The following DNM3 variants were observed in gnomAD, a reference collection of about 807,000 sequenced individuals.
The protein encoded by DNM3 is dynamin 3, also known as dynamin-3.
DNM3 carries 47 observed loss-of-function variants against 101.6 expected under a neutral mutation model. The observed-to-expected ratio is 0.46, with a 90% CI of 0.37 to 0.59. DNM3 has a LOEUF of 0.59. DNM3 is among the 20% of genes least tolerant of loss of function. The pLI is 0.00. For synonymous variants in DNM3, 385 were observed against 387.9 expected, an observed-to-expected ratio of 0.99 and a Z score of 0.09; for missense variants, 849 against 1,085.7, an observed-to-expected ratio of 0.78 and a Z score of 3.06.
chr1:172,224,242 T>G (rs1211597178), intron 14 of DNM3, among the ~76,000 whole-genome samples: 2 of 152,232 alleles, frequency 1.3e-5, no homozygotes, highest in African/African-American at 4.8e-5. Flanking sequence ...CACCTTGCAC[T>G]GCCCCTTTCA....
chr1:172,330,347 A>T (rs1184421654), intron 17 of DNM3, among the ~76,000 whole-genome samples: 1 of 152,094 alleles, frequency 6.6e-6, no homozygotes, highest in Admixed American at 6.6e-5. Flanking sequence ...AGAAATTTTC[A>T]TGATAAATTA....
At chr1:172,314,711 T>A (rs6684830) in intron 16 of DNM3, among the ~76,000 whole-genome samples, 1 of 152,082 alleles carries the variant, frequency 6.6e-6, no homozygotes, top group Non-Finnish European at 1.5e-5. Flanking sequence ...TGCCCAGGCT[T>A]GCTTAGGTAA....
intron 10 of DNM3, among the ~76,000 whole-genome samples, chr1:172,050,843 G>A (rs2050156601): frequency 6.6e-6 from 1 of 152,016 alleles, no homozygotes; most frequent in African/African-American, 2.4e-5. Flanking sequence ...GGACATTTAT[G>A]TTTTAAGTTA....
At chr1:172,401,053 A>G (rs1050525656) in intron 20 of DNM3, among the ~76,000 whole-genome samples, 9 of 151,998 alleles carry the variant, frequency 5.9e-5, no homozygotes, top group African/African-American at 2.2e-4. Context: ...CAGGGCAGTG[A>G]CTCTTTATTT....
At chr1:172,237,674 CA>C (rs1330724655) in intron 14 of DNM3, among the ~76,000 whole-genome samples, 3 of 152,136 alleles carry the variant, frequency 2.0e-5, no homozygotes, top group Non-Finnish European at 2.9e-5. Flanking sequence ...TAAGTATTTA[CA>C]AACAGAAAAT....
intron 17 of DNM3, among the ~76,000 whole-genome samples, chr1:172,343,981 T>C (rs192866598): frequency 3.5e-4 from 54 of 152,312 alleles, no homozygotes; most frequent in Non-Finnish European, 5.3e-4. Flanking sequence ...TAAACTTTCC[T>C]TCAGCTGGTC....
chr1:171,850,300 A>G (rs1355990784), intron 1 of DNM3, among the ~76,000 whole-genome samples: 1 of 152,184 alleles, frequency 6.6e-6, no homozygotes, highest in Non-Finnish European at 1.5e-5. Flanking sequence ...CTTGTTAACC[A>G]TCAGTTTTAG....
intron 8 of DNM3, among the ~76,000 whole-genome samples, chr1:172,042,410 G>A (rs571084607): frequency 6.6e-6 from 1 of 152,270 alleles, no homozygotes; most frequent in South Asian, 2.1e-4. Context: ...TATTTCTTAA[G>A]CATGTACTAT....
In DNM3 at chr1:172,152,591, G is replaced by A. The variant is rs1257793875; in HGVS notation, c.1659+21303G>A. 2.0e-5 allele frequency among the ~76,000 whole-genome samples: 3 copies of A among 152,048 alleles called. No homozygotes were observed. In the South Asian group the frequency reaches 6.2e-4, roughly 32 times the overall value. ...AATTTGATTTTGTTTTAGATTGCATGTTGTAGATTCAGACAAATTTAGATG... is the reference window on the plus strand; with the variant it reads ...AATTTGATTTTGTTTTAGATTGCATATTGTAGATTCAGACAAATTTAGATG... On this transcript the variant is annotated intron_variant, in intron 14 of 20. Transcript: ENST00000627582.
intron 14 of DNM3, among the ~76,000 whole-genome samples, chr1:172,245,124 G>A (rs565393483): frequency 6.6e-6 from 1 of 152,286 alleles, no homozygotes; most frequent in Admixed American, 6.5e-5. Flanking sequence ...TGTCTATGAT[G>A]CAACCAAAAC....
In DNM3 at chr1:172,051,596, CTT is replaced by C. The variant is rs540910056; in HGVS notation, c.1335+2848_1335+2849del. ...GAATGCTGATCACCCCCTTCATCCT[CTT>C]TAGATTTTAAGCCAATTGGGAAATT... On this transcript the variant is annotated intron_variant, in intron 10 of 20. Coordinates refer to ENST00000627582, the MANE Select transcript of DNM3 (RefSeq NM_015569.5). Among the ~76,000 whole-genome samples, 423 of 152,310 alleles carry C rather than the reference CTT, an allele frequency of 2.8e-3. 3 individuals carry two copies. The highest frequency in any genetic ancestry group is 9.6e-3 in the African/African-American group (398 of 41,574).
intron 14 of DNM3, among the ~76,000 whole-genome samples, chr1:172,209,627 C>A (rs78171282): frequency 0.087 from 13,265 of 151,946 alleles, 683 homozygotes; most frequent in Middle Eastern, 0.14. Flanking sequence ...AATAGCAATG[C>A]ACTTCTGTGT....
chr1:172,138,820 CCTGT>C, intron 14 of DNM3: 1 of 457,604 alleles, frequency 2.2e-6, no homozygotes, highest in South Asian at 1.6e-5. Context: ...CATGTGACTG[CCTGT>C]CTGTGCCTGC....
chr1:172,145,155 G>C (rs1489699689), intron 14 of DNM3, among the ~76,000 whole-genome samples: 5 of 152,164 alleles, frequency 3.3e-5, no homozygotes, highest in Admixed American at 3.3e-4. Flanking sequence ...ACCCAGGCTA[G>C]AGAAGTAATT....
intron 1 of DNM3, among the ~76,000 whole-genome samples, chr1:171,910,263 G>A (rs1571560885): frequency 6.6e-6 from 1 of 152,242 alleles, no homozygotes; most frequent in South Asian, 2.1e-4. Flanking sequence ...AGTTACCCAT[G>A]GTCAATTGCG....
At chr1:172,037,112 A>T (rs1404217575) in intron 6 of DNM3, among the ~76,000 whole-genome samples, 1 of 152,120 alleles carries the variant, frequency 6.6e-6, no homozygotes, top group Non-Finnish European at 1.5e-5. Flanking sequence ...ACCAGTTAGA[A>T]TGGCAATCAT....
In DNM3 at chr1:172,348,649, A is replaced by C. The variant is rs954625796; in HGVS notation, c.1893+25309A>C. Among the ~76,000 whole-genome samples the C allele has an allele frequency of 1.1e-4, 17 of 152,228 alleles. No homozygotes were observed. In the East Asian group the frequency reaches 3.3e-3, roughly 29 times the overall value. On this transcript the variant is annotated intron_variant, in intron 17 of 20. Coordinates refer to ENST00000627582, the MANE Select transcript of DNM3 (RefSeq NM_015569.5). Reference sequence around the variant, plus strand: ...GAAAGAAGAAACCCAATAAAAAGAAAAGTTAGTGTTACCTAACATATGAAA... The same window carrying C: ...GAAAGAAGAAACCCAATAAAAAGAACAGTTAGTGTTACCTAACATATGAAA...
intron 14 of DNM3, among the ~76,000 whole-genome samples, chr1:172,242,454 T>G (rs2148653891): frequency 6.6e-6 from 1 of 152,190 alleles, no homozygotes; most frequent in South Asian, 2.1e-4. Context: ...GTACTTCTGG[T>G]TTTTTTGAAA....
chr1:171,913,552 C>T (rs1002649452), intron 1 of DNM3, among the ~76,000 whole-genome samples: 34 of 152,260 alleles, frequency 2.2e-4, no homozygotes, highest in African/African-American at 7.9e-4. Flanking sequence ...GGCAAAGTTC[C>T]CGGATTTGGG....
Sources: gnomAD v4.1 joint callset for allele counts (sites outside exome capture counted in the v4.1 genomes callset) on GRCh38, gnomAD v4.1.1 for gene constraint, MANE v1.5 for transcripts, NCBI Gene and HGNC (gene_info 2026-07-23, HGNC 2026-07-21) for gene names.